Variants in ARHGAP45 observed in about 807,000 individuals in gnomAD.
The protein encoded by ARHGAP45 is Rho GTPase activating protein 45, also known as rho GTPase-activating protein 45.
Under a neutral mutation model 116.1 loss-of-function variants are expected in ARHGAP45, and 56 were observed. That is an observed-to-expected ratio of 0.48 (90% CI 0.39 to 0.60). The LOEUF is 0.60. Ranked by LOEUF, ARHGAP45 falls within the 20% of genes least tolerant of loss-of-function variation. The pLI, the probability that ARHGAP45 is intolerant of heterozygous loss-of-function variation, is 0.00. For synonymous variants in ARHGAP45, 866 were observed against 701.7 expected (o/e 1.23, Z -3.70); for missense variants, 1,622 against 1,601.0 (o/e 1.01, Z -0.22).
chr19:1,077,306 G>A (rs1377484210), intron 10 of ARHGAP45: 2 of 985,280 alleles, frequency 2.0e-6, no homozygotes, highest in African/African-American at 1.7e-5. Flanking sequence ...TCAGCTTCCC[G>A]GGCTGCAGAG....
In ARHGAP45 at chr19:1,081,697, A is replaced by C; in HGVS notation, c.2338A>C (p.Lys780Gln). 7 of 1,590,358 alleles carry C rather than the reference A, an allele frequency of 4.4e-6. No homozygotes were observed. Among genetic ancestry groups the C allele is most frequent in the Non-Finnish European group, 6.0e-6 (7 of 1,168,388 alleles). ...CGACGGCGTGCCCTTCATCGTCAAG[A>C]AGTGCGTCTGCGAGATCGAGCGGCG... ...APDGVPFIVK[K>Q]CVCEIERRAL... The change falls in exon 18 of 23, where the codon AAG becomes CAG. Residue 780 changes from lysine (K) to glutamine (Q), a missense_variant. Around this residue, in one of 3 missense-constraint regions of ARHGAP45, gnomAD observed 1,334 missense variants for 1,263.8 expected, o/e 1.06. Coordinates refer to ENST00000313093, the MANE Select transcript of ARHGAP45 (RefSeq NM_012292.5).
Position 1,081,691 on chromosome 19 carries a change from G to T in ARHGAP45, c.2332G>T (p.Val778Phe). Residue 778 changes from valine (V) to phenylalanine (F), a missense_variant, in exon 18 of 23, where the codon GTC becomes TTC. Physicochemically the swap from Val to Phe is conservative, Grantham distance 50. Transcript: ENST00000313093. ...CGCCCCCGACGGCGTGCCCTTCATC[G>T]TCAAGAAGTGCGTCTGCGAGATCGA... is the stretch of plus-strand genomic sequence containing the variant. ...RSAPDGVPFI[V>F]KKCVCEIERR... The T allele has an allele frequency of 6.3e-7, 1 of 1,589,082 alleles. No individual in the cohort carries two copies. Among genetic ancestry groups the T allele is most frequent in the Non-Finnish European group, 8.6e-7 (1 of 1,167,998 alleles).
chr19:1,065,991 C>A, upstream of ARHGAP45: 1 of 1,529,374 alleles, frequency 6.5e-7, no homozygotes, highest in South Asian at 1.2e-5. Context: ...CGACATCCAG[C>A]TGACCCTCAC....
At position 1,081,748 on chromosome 19, in the gene ARHGAP45, G is replaced by C. The variant is rs747170865; in HGVS notation, c.2379+10G>C. The C allele has an allele frequency of 1.9e-6, 3 of 1,558,568 alleles. No homozygotes were observed. Among genetic ancestry groups the C allele is most frequent in the Admixed American group, 1.8e-5 (1 of 54,956 alleles). The stretch of plus-strand genomic sequence containing the variant: ...GGCGCTGCGCACCAAGGTGAGGCGG[G>C]GGAGGAAGCGGCTCACAGCGAGGAG... On this transcript the variant is annotated intron_variant, in intron 18 of 22. Transcript: ENST00000313093.
At chr19:1,082,741 A>C in intron 19 of ARHGAP45, 99 bp from the exon 20 acceptor site, 1 of 1,014,854 alleles carries the variant, frequency 9.9e-7, no homozygotes, top group African/African-American at 2.0e-5. Flanking sequence ...GGGTGTGGCC[A>C]GTGCTCTGTG....
intron 21 of ARHGAP45, among the ~76,000 whole-genome samples, chr19:1,083,713 A>G (rs997010999): frequency 2.0e-5 from 3 of 151,810 alleles, no homozygotes; most frequent in African/African-American, 7.3e-5. Flanking sequence ...CTGCCACTGC[A>G]CTCCGCCGCG....
In ARHGAP45 at chr19:1,077,838, C is replaced by T. The variant is rs1057479849; in HGVS notation, c.1186-19C>T. 5 of 1,551,554 alleles carry T rather than the reference C, an allele frequency of 3.2e-6. No individual in the cohort carries two copies. In the East Asian group the frequency reaches 1.2e-4, roughly 38 times the overall value. On this transcript the variant is annotated intron_variant, in intron 10 of 22. Transcript: ENST00000313093. ...CGAGGATAGGGTTGGAACTGGCCTCCTGGCTCCCACACCCACAGCAAGAGG... is the reference window on the plus strand; with the variant it reads ...CGAGGATAGGGTTGGAACTGGCCTCTTGGCTCCCACACCCACAGCAAGAGG...
Position 1,080,684 on chromosome 19 carries a change from G to T in ARHGAP45, c.1915G>T (p.Asp639Tyr). The T allele has an allele frequency of 1.2e-6, 2 of 1,613,380 alleles. No homozygotes were observed. The highest frequency in any genetic ancestry group is 1.7e-6 in the Non-Finnish European group (2 of 1,179,880). ...SGLDPGPGAG[D>Y]FKKFERTSSS... ...GAACAGTCCTGATTCCCGCCCAGGG[G>T]ACTTTAAGAAGTTCGAGCGGACGTC... Residue 639 changes from aspartate (D) to tyrosine (Y), a missense_variant and splice_region_variant, in exon 16 of 23, where the codon GAC (aspartate) becomes TAC (tyrosine). By Grantham distance (160) the Asp-to-Tyr change is radical. This residue lies in a region of ARHGAP45 where 1,334 missense variants were observed against 1,263.8 expected (regional missense o/e 1.06). Transcript: ENST00000313093.
At chr19:1,066,796 C>A (rs1392708853), upstream of ARHGAP45, among the ~76,000 whole-genome samples, 1 of 151,034 alleles carries the variant, frequency 6.6e-6, no homozygotes, top group African/African-American at 2.4e-5. Context: ...TGCTGGGGCC[C>A]GGCCACACCC....
At chr19:1,082,599 C>T in intron 19 of ARHGAP45, 1 of 527,638 alleles carries the variant, frequency 1.9e-6, no homozygotes. Context: ...AGGGTACCTG[C>T]AGGGCGGGGC....
In ARHGAP45 at chr19:1,083,477, G is replaced by A; in HGVS notation, c.2955+124G>A. 7.2e-6 allele frequency: 6 copies of A among 833,512 alleles called. No homozygotes were observed. The South Asian group carries it at 1.0e-4, about 14-fold the overall frequency. The allele number at this position is 833,512 out of a possible 1,614,324, so 51.6% of individuals were successfully genotyped here. On this transcript the variant is annotated intron_variant, in intron 21 of 22. Coordinates refer to ENST00000313093, the MANE Select transcript of ARHGAP45 (RefSeq NM_012292.5). The stretch of plus-strand genomic sequence containing the variant: ...AGGGAGATAATTTGGTTTGGACAGG[G>A]CTGTTCGGGAGGCCACTGTCTTTTT...
rs368860559 is a variant in ARHGAP45 at position 1,084,282 on chromosome 19, G to A, written c.3000G>A (p.Pro1000=). 9 of 1,612,858 alleles carry A rather than the reference G, an allele frequency of 5.6e-6. No homozygotes were observed. The highest frequency in any genetic ancestry group is 2.7e-5 in the African/African-American group (2 of 74,828). The change falls in exon 22 of 23, where the codon CCG becomes CCA. Residue 1000 remains proline, a synonymous_variant. Coordinates refer to ENST00000313093, the MANE Select transcript of ARHGAP45 (RefSeq NM_012292.5). ...NQRAEVVVQV[P]YLEAGEAVVY... ...GAGCTGAGGTAGTCGTCCAGGTGCC[G>A]TACCTGGAGGCGGGCGAGGCGGTGG...
chr19:1,077,831 T>C, intron 10 of ARHGAP45, 26 bp from the exon 11 acceptor site: 1 of 1,551,144 alleles, frequency 6.4e-7, no homozygotes, highest in African/African-American at 1.4e-5. Context: ...GGGTTGGAAC[T>C]GGCCTCCTGG....
chr19:1,067,603 A>G, intron 1 of ARHGAP45, 108 bp downstream of exon 1: 1 of 1,074,340 alleles, frequency 9.3e-7, no homozygotes, highest in Non-Finnish European at 1.4e-6. Context: ...GGCTCGTGCC[A>G]GCTACAGCCC....
upstream of ARHGAP45, chr19:1,066,084 G>A (rs765091158): frequency 2.3e-5 from 36 of 1,535,710 alleles, no homozygotes; most frequent in South Asian, 4.2e-4. Context: ...ACTTGGACCT[G>A]GGCCTGGAGA....
Position 1,068,494 on chromosome 19 carries a change from G to A in ARHGAP45, c.171G>A (p.Lys57=), listed in dbSNP as rs1322766541. 3.8e-6 allele frequency: 6 copies of A among 1,594,896 alleles called. No homozygotes were observed. The South Asian group carries it at 6.7e-5, about 18-fold the overall frequency. The change falls in exon 2 of 23, where the codon AAG becomes AAA. Residue 57 remains lysine (K), a synonymous_variant. Coordinates refer to ENST00000313093, the MANE Select transcript of ARHGAP45 (RefSeq NM_012292.5). The surrounding 1 kb of genome is among the most constrained non-coding windows in gnomAD (Gnocchi z 7.5). The part of the protein sequence containing the change: ...LEPPAGSSGV[K]ATGTLKRPTS... Reference sequence around the variant, plus strand: ...CGCCCGCTGGGTCCTCCGGCGTCAAGGCCACAGGGACCCTCAAGCGGCCCA... The same window carrying A: ...CGCCCGCTGGGTCCTCCGGCGTCAAAGCCACAGGGACCCTCAAGCGGCCCA...
intron 10 of ARHGAP45, among the ~76,000 whole-genome samples, chr19:1,076,518 CAA>C (rs1200052928): frequency 3.4e-5 from 3 of 89,242 alleles, no homozygotes; most frequent in Non-Finnish European, 5.8e-5. Flanking sequence ...TTTTTTGAGA[CAA>C]GAGCCTCACT....
chr19:1,066,980 T>C (rs1021798451), upstream of ARHGAP45, among the ~76,000 whole-genome samples: 2 of 152,128 alleles, frequency 1.3e-5, no homozygotes, highest in Admixed American at 1.3e-4. Context: ...TGCACGTGTC[T>C]GTGCACGCCC....
At chr19:1,075,065 C>G (rs2043218745) in intron 10 of ARHGAP45, among the ~76,000 whole-genome samples, 186 bp downstream of exon 10, 1 of 151,718 alleles carries the variant, frequency 6.6e-6, no homozygotes, top group African/African-American at 2.4e-5. Context: ...GATGCTCCAG[C>G]CCCGTCGCCC....
Sources: allele counts gnomAD v4.1 joint callset (sites outside exome capture counted in the v4.1 genomes callset), GRCh38; gene constraint gnomAD v4.1.1; regional missense constraint gnomAD v4.1.1; non-coding constraint Gnocchi (gnomAD v3.1); transcripts MANE v1.5; gene names NCBI Gene and HGNC (gene_info 2026-07-23, HGNC 2026-07-21).